BMP5: variants seen among roughly 807,000 people sequenced by gnomAD.
BMP5 encodes bone morphogenetic protein 5.
A neutral mutation model predicts 46.6 loss-of-function variants in BMP5; 23 were observed. That is an observed-to-expected ratio of 0.49 (90% CI 0.35 to 0.70). The LOEUF (loss-of-function observed/expected upper bound fraction) is 0.70. BMP5 is among the 30% of genes least tolerant of loss of function. The pLI, the probability that BMP5 is intolerant of heterozygous loss-of-function variation, is 0.00. For missense variants in BMP5, 545 were observed against 565.6 expected, an observed-to-expected ratio of 0.96 and a Z score of 0.37; for synonymous variants, 204 against 191.9, an observed-to-expected ratio of 1.06 and a Z score of -0.52.
chr6:55,815,026 A>G (rs533209800), intron 2 of BMP5, among the ~76,000 whole-genome samples: 15 of 151,192 alleles, frequency 9.9e-5, no homozygotes, highest in Non-Finnish European at 1.8e-4. Context: ...CCAGCTACTC[A>G]GGAGTCTGAG....
chr6:55,847,372 T>C (rs994598216), intron 1 of BMP5, among the ~76,000 whole-genome samples: 5 of 151,942 alleles, frequency 3.3e-5, no homozygotes, highest in African/African-American at 1.2e-4. Flanking sequence ...CAATGTGTCC[T>C]ACTTACCCTC....
intron 2 of BMP5, among the ~76,000 whole-genome samples, chr6:55,804,789 A>G (rs748545213): frequency 1.3e-5 from 2 of 152,166 alleles, no homozygotes; most frequent in Non-Finnish European, 2.9e-5. Flanking sequence ...GAAAGGACAA[A>G]TACTGTGGAG....
chr6:55,826,053 G>A (rs1313951984), intron 1 of BMP5, among the ~76,000 whole-genome samples: 6 of 151,674 alleles, frequency 4.0e-5, no homozygotes, highest in African/African-American at 7.3e-5. Context: ...GATATCCTTC[G>A]CTAACTAGTC....
chr6:55,828,386 G>T (rs1290275279), intron 1 of BMP5, among the ~76,000 whole-genome samples: 1 of 151,726 alleles, frequency 6.6e-6, no homozygotes, highest in Admixed American at 6.6e-5. Context: ...ATTAGCTATT[G>T]TGCTACTGTG....
At chr6:55,846,101 C>A (rs1032137484) in intron 1 of BMP5, among the ~76,000 whole-genome samples, 2 of 151,904 alleles carry the variant, frequency 1.3e-5, no homozygotes, top group Admixed American at 1.3e-4. Context: ...TTGAATGGCC[C>A]ACTAGACTAA....
At position 55,819,718 on chromosome 6, in the gene BMP5, T is replaced by A; in HGVS notation, c.620A>T (p.Asn207Ile). ...EFRIYKDRSN[N>I]RFENETIKIS... ...CTTAATTGTTTCATTTTCAAATCGG[T>A]TGTTGCTCCGGTCCTTGTATATCCG... Residue 207 changes from asparagine to isoleucine, a missense_variant, in exon 2 of 7, where the codon AAC (asparagine) becomes ATC (isoleucine). Transcript: ENST00000370830. 6.2e-7 allele frequency: 1 copy of A among 1,613,890 alleles called. No homozygotes were observed. The highest frequency in any genetic ancestry group is 8.5e-7 in the Non-Finnish European group (1 of 1,179,896).
intron 4 of BMP5, among the ~76,000 whole-genome samples, chr6:55,764,731 A>T (rs1033000711): frequency 4.6e-5 from 7 of 151,966 alleles, no homozygotes; most frequent in Non-Finnish European, 1.0e-4. Context: ...AAAAAAAAAA[A>T]AAAGATCTCC....
intron 2 of BMP5, among the ~76,000 whole-genome samples, chr6:55,802,224 G>A (rs1321551057): frequency 6.6e-6 from 1 of 152,162 alleles, no homozygotes; most frequent in East Asian, 1.9e-4. Flanking sequence ...GCTAACTCTA[G>A]TGTCCATGGC....
chr6:55,832,790 C>T (rs1776696653), intron 1 of BMP5, among the ~76,000 whole-genome samples: 1 of 152,026 alleles, frequency 6.6e-6, no homozygotes, highest in African/African-American at 2.4e-5. Flanking sequence ...CTGTGTCTCA[C>T]TTTTCCTTTG....
intron 1 of BMP5, among the ~76,000 whole-genome samples, chr6:55,854,065 A>G (rs1230407692): frequency 6.6e-6 from 1 of 152,184 alleles, no homozygotes; most frequent in Non-Finnish European, 1.5e-5. Context: ...ATCCAAAGAA[A>G]CAATGACAGA....
At chr6:55,837,915 T>C (rs775374023) in intron 1 of BMP5, among the ~76,000 whole-genome samples, 20 of 152,210 alleles carry the variant, frequency 1.3e-4, no homozygotes, top group Non-Finnish European at 1.5e-4. Flanking sequence ...GCGTTGCTTG[T>C]CTTTCTGTGC....
chr6:55,815,851 T>C (rs984837766), intron 2 of BMP5, among the ~76,000 whole-genome samples: 14 of 152,148 alleles, frequency 9.2e-5, no homozygotes, highest in Non-Finnish European at 7.4e-5. Context: ...CTCTTAGTTC[T>C]TTATTTTTAT....
At chr6:55,812,403 A>C (rs937130429) in intron 2 of BMP5, among the ~76,000 whole-genome samples, 6 of 152,210 alleles carry the variant, frequency 3.9e-5, no homozygotes, top group Non-Finnish European at 7.3e-5. Context: ...GATCTACCAT[A>C]TTTTAAATTT....
intron 1 of BMP5, among the ~76,000 whole-genome samples, chr6:55,867,941 C>T (rs1198030514): frequency 1.3e-5 from 2 of 152,082 alleles, no homozygotes; most frequent in Admixed American, 6.5e-5. Context: ...GCCATGGAAG[C>T]ACAGAAAAGA....
At chr6:55,780,047 C>G (rs1775270414) in intron 3 of BMP5, among the ~76,000 whole-genome samples, 1 of 151,714 alleles carries the variant, frequency 6.6e-6, no homozygotes, top group South Asian at 2.1e-4. Flanking sequence ...CTGGACTTTT[C>G]TCTTCTCTTC....
intron 1 of BMP5, among the ~76,000 whole-genome samples, chr6:55,857,517 A>G (rs1267414632): frequency 6.6e-6 from 1 of 152,178 alleles, no homozygotes; most frequent in African/African-American, 2.4e-5. Context: ...TGAATATCCT[A>G]TATCATTGTG....
chr6:55,830,517 G>A (rs919382311), intron 1 of BMP5, among the ~76,000 whole-genome samples: 2 of 152,066 alleles, frequency 1.3e-5, no homozygotes, highest in African/African-American at 4.8e-5. Flanking sequence ...AGTTTCTTAA[G>A]ATGCACACCT....
intron 1 of BMP5, among the ~76,000 whole-genome samples, chr6:55,854,393 C>G (rs1258475943): frequency 6.6e-6 from 1 of 151,774 alleles, no homozygotes; most frequent in Non-Finnish European, 1.5e-5. Flanking sequence ...TTTTTCATTT[C>G]AATAAAATTA....
intron 3 of BMP5, among the ~76,000 whole-genome samples, chr6:55,787,298 G>T (rs534658370): frequency 6.6e-6 from 1 of 151,630 alleles, no homozygotes; most frequent in Non-Finnish European, 1.5e-5. Flanking sequence ...CTAAATTTAA[G>T]TAGATATTAT....
Sources: gnomAD v4.1 joint callset for allele counts (sites outside exome capture counted in the v4.1 genomes callset) on GRCh38, gnomAD v4.1.1 for gene constraint, MANE v1.5 for transcripts, NCBI Gene and HGNC (gene_info 2026-07-23, HGNC 2026-07-21) for gene names.